CNTNAP2: variants seen among roughly 807,000 people sequenced by gnomAD.
CNTNAP2 encodes contactin associated protein 2.
Under a neutral mutation model 155.2 loss-of-function variants are expected in CNTNAP2, and 98 were observed. That is an observed-to-expected ratio of 0.63 (90% CI 0.54 to 0.75). The LOEUF is 0.75. Among genes scored for constraint, CNTNAP2 ranks in the 30% least tolerant of loss-of-function variants. The probability of loss-of-function intolerance (pLI) is 0.00; values close to 1 mark genes in which losing one functional copy is unlikely to be tolerated. For synonymous variants in CNTNAP2, 651 were observed against 631.2 expected (o/e 1.03, Z -0.47); for missense variants, 1,727 against 1,688.1 (o/e 1.02, Z -0.40).
intron 8 of CNTNAP2, among the ~76,000 whole-genome samples, chr7:147,288,198 C>G (rs1490770975): frequency 6.6e-6 from 1 of 152,174 alleles, no homozygotes; most frequent in East Asian, 1.9e-4. Flanking sequence ...ATTCTTATCT[C>G]TCTATTACAA....
At chr7:147,362,213 G>C (rs984863868) in intron 9 of CNTNAP2, among the ~76,000 whole-genome samples, 3 of 152,124 alleles carry the variant, frequency 2.0e-5, no homozygotes, top group Non-Finnish European at 2.9e-5. Context: ...GCTCACTACA[G>C]CCTCAAATTC....
At chr7:146,420,155 GCAGTTGT>G (rs1795991305) in intron 1 of CNTNAP2, among the ~76,000 whole-genome samples, 1 of 152,076 alleles carries the variant, frequency 6.6e-6, no homozygotes, top group African/African-American at 2.4e-5. Flanking sequence ...GGAAAATGAA[GCAGTTGT>G]CAGTACTTTA....
At chr7:147,929,427 T>A (rs1359352049) in intron 14 of CNTNAP2, among the ~76,000 whole-genome samples, 2 of 152,156 alleles carry the variant, frequency 1.3e-5, no homozygotes, top group Admixed American at 1.3e-4. Flanking sequence ...GAAAAGAATA[T>A]CCTACAAACT....
At chr7:147,358,350 A>C (rs1796095688) in intron 9 of CNTNAP2, among the ~76,000 whole-genome samples, 1 of 152,152 alleles carries the variant, frequency 6.6e-6, no homozygotes, top group African/African-American at 2.4e-5. Context: ...TTTAATGAAA[A>C]TATCATATGG....
intron 13 of CNTNAP2, among the ~76,000 whole-genome samples, chr7:147,651,889 C>G (rs1584880299): frequency 6.6e-6 from 1 of 152,194 alleles, no homozygotes; most frequent in Admixed American, 6.5e-5. Flanking sequence ...CAAACATCCT[C>G]TTTCTACAAC....
At chr7:146,769,857 A>G (rs1044460708) in intron 1 of CNTNAP2, among the ~76,000 whole-genome samples, 1 of 152,170 alleles carries the variant, frequency 6.6e-6, no homozygotes, top group Non-Finnish European at 1.5e-5. Context: ...CTGTGCTCCA[A>G]TAAAACTTTA....
chr7:146,289,918 A>T (rs1216283299), intron 1 of CNTNAP2, among the ~76,000 whole-genome samples: 3 of 152,206 alleles, frequency 2.0e-5, no homozygotes, highest in Non-Finnish European at 4.4e-5. Flanking sequence ...AAACGGAGCT[A>T]ATACGACCAC....
At chr7:147,664,648 T>C (rs1467200896) in intron 13 of CNTNAP2, among the ~76,000 whole-genome samples, 2 of 152,214 alleles carry the variant, frequency 1.3e-5, no homozygotes, top group Non-Finnish European at 2.9e-5. Flanking sequence ...TTTCTTCTTT[T>C]ATTCCTAGGA....
intron 1 of CNTNAP2, among the ~76,000 whole-genome samples, chr7:146,541,546 T>C (rs1797953963): frequency 6.6e-6 from 1 of 152,046 alleles, no homozygotes; most frequent in Non-Finnish European, 1.5e-5. Flanking sequence ...TGTAGAAATA[T>C]TCTTTACATT....
At chr7:146,476,226 C>A (rs1363797764) in intron 1 of CNTNAP2, among the ~76,000 whole-genome samples, 1 of 152,066 alleles carries the variant, frequency 6.6e-6, no homozygotes, top group Non-Finnish European at 1.5e-5. Context: ...GTTACAAGAA[C>A]AAATTTAGAG....
chr7:147,386,402 T>G (rs2116940751), intron 9 of CNTNAP2, among the ~76,000 whole-genome samples: 1 of 152,312 alleles, frequency 6.6e-6, no homozygotes, highest in South Asian at 2.1e-4. Flanking sequence ...CCGTTTCCCT[T>G]TAAAAGCTGA....
Position 147,106,474 on chromosome 7 carries a change from C to T in CNTNAP2, c.551-1673C>T, listed in dbSNP as rs543115535. Among the ~76,000 whole-genome samples the T allele has an allele frequency of 1.8e-3, 278 of 152,148 alleles. 2 individuals are homozygous for T. The highest frequency in any genetic ancestry group is 6.3e-3 in the African/African-American group (263 of 41,530). ...TTTTCCCTCATATTAAAATAAACCT[C>T]TGTGATTCACAGTCTCAGAGAACAG... On this transcript the variant is annotated intron_variant, in intron 4 of 23. Transcript: ENST00000361727.
intron 8 of CNTNAP2, among the ~76,000 whole-genome samples, chr7:147,292,743 G>T (rs565174192): frequency 5.0e-4 from 75 of 150,414 alleles, no homozygotes; most frequent in Middle Eastern, 3.4e-3. Context: ...AAGATTCTAC[G>T]TATTAAATAA....
chr7:146,580,731 G>T (rs887656900), intron 1 of CNTNAP2, among the ~76,000 whole-genome samples: 1 of 152,044 alleles, frequency 6.6e-6, no homozygotes, highest in Non-Finnish European at 1.5e-5. Context: ...TAGAATTGCT[G>T]ATTTGTTTTG....
intron 2 of CNTNAP2, among the ~76,000 whole-genome samples, chr7:146,819,587 C>G (rs1160622907): frequency 6.6e-6 from 1 of 152,062 alleles, no homozygotes; most frequent in Non-Finnish European, 1.5e-5. Flanking sequence ...TCTTTCAATA[C>G]CATTCAGCTA....
chr7:147,341,162 C>T (rs952896667), intron 9 of CNTNAP2, among the ~76,000 whole-genome samples: 1 of 151,266 alleles, frequency 6.6e-6, no homozygotes, highest in Non-Finnish European at 1.5e-5. Flanking sequence ...CCATTGCAGC[C>T]ATGTAAAAAT....
intron 9 of CNTNAP2, among the ~76,000 whole-genome samples, chr7:147,303,231 T>C (rs997981195): frequency 1.2e-4 from 19 of 152,234 alleles, no homozygotes; most frequent in African/African-American, 4.3e-4. Flanking sequence ...ATCTCCTTTC[T>C]AACATTTCTT....
At chr7:146,643,156 T>C (rs925464474) in intron 1 of CNTNAP2, among the ~76,000 whole-genome samples, 6 of 149,120 alleles carry the variant, frequency 4.0e-5, no homozygotes, top group African/African-American at 1.5e-4. Flanking sequence ...AGAAGCTCTT[T>C]AGTTTAATTA....
chr7:146,454,576 A>T (rs1796528479), intron 1 of CNTNAP2, among the ~76,000 whole-genome samples: 1 of 151,876 alleles, frequency 6.6e-6, no homozygotes, highest in Non-Finnish European at 1.5e-5. Flanking sequence ...ATAAATAAAT[A>T]ATACTTTATG....
Sources: gnomAD v4.1 joint callset for allele counts (sites outside exome capture counted in the v4.1 genomes callset) on GRCh38, gnomAD v4.1.1 for gene constraint, MANE v1.5 for transcripts, NCBI Gene and HGNC (gene_info 2026-07-23, HGNC 2026-07-21) for gene names.